Variants in STK35 observed in about 807,000 individuals in gnomAD.
STK35 encodes the protein serine/threonine-protein kinase 35.
Under a neutral mutation model 37.3 loss-of-function variants are expected in STK35, and 17 were observed. The observed-to-expected ratio is 0.46, with a 90% CI of 0.31 to 0.68. The LOEUF (loss-of-function observed/expected upper bound fraction) is 0.68, where lower values mean the gene tolerates loss of function less well. Among genes scored for constraint, STK35 ranks in the 30% least tolerant of loss-of-function variants. The pLI is 0.05. For synonymous variants in STK35, 385 were observed against 319.1 expected, an observed-to-expected ratio of 1.21 and a Z score of -2.20; for missense variants, 595 against 746.7, an observed-to-expected ratio of 0.80 and a Z score of 2.37.
intron 3 of STK35, among the ~76,000 whole-genome samples, chr20:2,127,982 T>C (rs1985935145): frequency 1.3e-5 from 2 of 152,180 alleles, no homozygotes; most frequent in Admixed American, 6.5e-5. Flanking sequence ...CCTTGTGTCC[T>C]CTCTGCTCCT....
At chr20:2,143,751 A>G (rs749665395) in intron 3 of STK35, 33 bp from the exon 4 acceptor site, 5 of 358,692 alleles carry the variant, frequency 1.4e-5, no homozygotes, top group Admixed American at 4.2e-5. Context: ...CTGCTGACCA[A>G]TGTCCCCTCC....
chr20:2,121,961 G>A (rs111314553), intron 3 of STK35, among the ~76,000 whole-genome samples: 293 of 152,312 alleles, frequency 1.9e-3, no homozygotes, highest in African/African-American at 6.9e-3. Context: ...TTGTCTGAAA[G>A]CCTCTTTACA....
chr20:2,134,230 A>C (rs1385889824), intron 3 of STK35, among the ~76,000 whole-genome samples: 3 of 148,466 alleles, frequency 2.0e-5, no homozygotes, highest in Non-Finnish European at 1.5e-5. Flanking sequence ...ACTGCACTCC[A>C]GCCTGGGCAA....
intron 2 of STK35, among the ~76,000 whole-genome samples, chr20:2,108,158 C>T (rs1324069113): frequency 6.6e-6 from 1 of 152,164 alleles, no homozygotes; most frequent in Non-Finnish European, 1.5e-5. Flanking sequence ...AGCTTAAGTT[C>T]TAGGTTCTTC....
chr20:2,134,481 A>T (rs1474839716), intron 3 of STK35, among the ~76,000 whole-genome samples: 1 of 152,168 alleles, frequency 6.6e-6, no homozygotes, highest in African/African-American at 2.4e-5. Context: ...CTCATGTGCC[A>T]CTGTCCAGTT....
chr20:2,107,479 A>G (rs1434037576), intron 2 of STK35, among the ~76,000 whole-genome samples: 2 of 152,232 alleles, frequency 1.3e-5, no homozygotes, highest in African/African-American at 4.8e-5. Flanking sequence ...CCAGGCTACT[A>G]TAAGAGGCCA....
intron 3 of STK35, among the ~76,000 whole-genome samples, chr20:2,132,796 A>C (rs1001537344): frequency 1.3e-5 from 2 of 152,190 alleles, no homozygotes; most frequent in African/African-American, 4.8e-5. Flanking sequence ...TCTAGGTTTA[A>C]ACGGCAGCTC....
In STK35 at chr20:2,129,535, C is replaced by T. The variant is rs142023218; in HGVS notation, c.*37+12120C>T. On this transcript the variant is annotated intron_variant, in intron 3 of 3. Coordinates refer to ENST00000381482, the MANE Select transcript of STK35 (RefSeq NM_080836.4). ...CCAATAAAAAGGAAAACATGCATGC[C>T]CAAGGGGACCCGTTAATTTTTTGAT... Among the ~76,000 whole-genome samples, 115 of 152,130 alleles carry T rather than the reference C, an allele frequency of 7.6e-4. No homozygotes were observed. In the Middle Eastern group the frequency reaches 0.01, roughly 13 times the overall value.
intron 3 of STK35, among the ~76,000 whole-genome samples, chr20:2,126,588 G>A (rs1985910610): frequency 6.6e-6 from 1 of 152,246 alleles, no homozygotes; most frequent in South Asian, 2.1e-4. Context: ...AGTGCCCAAG[G>A]CTCTGTCTTG....
intron 3 of STK35, 40 bp from the exon 4 acceptor site, chr20:2,143,744 C>G (rs1206411611): frequency 5.7e-6 from 2 of 351,390 alleles, no homozygotes; most frequent in East Asian, 1.9e-4. Flanking sequence ...CCCAGGCCTG[C>G]TGACCAATGT....
At chr20:2,134,119 G>A (rs1406053025) in intron 3 of STK35, among the ~76,000 whole-genome samples, 2 of 152,100 alleles carry the variant, frequency 1.3e-5, no homozygotes, top group Non-Finnish European at 2.9e-5. Flanking sequence ...CTCAGGCTGG[G>A]CGTGGTGGTG....
chr20:2,102,985 G>C lies in STK35; in HGVS notation c.512G>C (p.Arg171Pro). Residue 171 changes from arginine (R) to proline (P), a missense_variant, in exon 2 of 4, where the codon CGG becomes CCG. Coordinates refer to ENST00000381482, the MANE Select transcript of STK35 (RefSeq NM_080836.4). The stretch of plus-strand genomic sequence containing the variant: ...AAGCTGAGGCCGGCGGCGGCGGCCC[G>C]GGCCATGGATCCGGTGGCGGCCGAG... The part of the protein sequence containing the change: ...STKLRPAAAA[R>P]AMDPVAAEAP... The C allele has an allele frequency of 7.1e-7, 1 of 1,415,824 alleles. No homozygotes were observed. Among genetic ancestry groups the C allele is most frequent in the Non-Finnish European group, 9.2e-7 (1 of 1,092,152 alleles). The allele number at this position is 1,415,824 out of a possible 1,614,324, so 87.7% of individuals were successfully genotyped here. A position where few individuals can be genotyped will look rare whatever the true frequency, so the allele number is the denominator to read the frequency against.
At chr20:2,141,505 G>GA (rs1986171452) in intron 3 of STK35, among the ~76,000 whole-genome samples, 2 of 152,206 alleles carry the variant, frequency 1.3e-5, no homozygotes, top group Admixed American at 1.3e-4. Context: ...GAAGAGTCCA[G>GA]ACAAGACCCC....
At chr20:2,136,614 A>G (rs1986090926) in intron 3 of STK35, among the ~76,000 whole-genome samples, 1 of 152,232 alleles carries the variant, frequency 6.6e-6, no homozygotes, top group Admixed American at 6.5e-5. Context: ...TGTTTATGTT[A>G]AAACCCTATC....
rs148480663 is a variant in STK35 at position 2,117,090 on chromosome 20, C to T, written c.1317C>T (p.Ala439=). 4 of 1,613,828 alleles carry T rather than the reference C, an allele frequency of 2.5e-6. No homozygotes were observed. Among genetic ancestry groups the T allele is most frequent in the Admixed American group, 1.7e-5 (1 of 59,988 alleles). The change falls in exon 3 of 4, where the codon GCC becomes GCT. Residue 439 remains alanine, a synonymous_variant. Coordinates refer to ENST00000381482, the MANE Select transcript of STK35 (RefSeq NM_080836.4). The surrounding 1 kb of genome is among the most constrained non-coding windows in gnomAD (Gnocchi z 4.4). ...GHYTAKADIF[A]LGIIIWAMIE... ...ACACAGCCAAGGCGGACATCTTTGC[C>T]CTGGGCATTATCATCTGGGCAATGA...
chr20:2,121,231 G>A (rs1381254836), intron 3 of STK35, among the ~76,000 whole-genome samples: 1 of 152,198 alleles, frequency 6.6e-6, no homozygotes, highest in African/African-American at 2.4e-5. Context: ...GGATCACTTT[G>A]CATCTTGAAA....
chr20:2,128,851 GT>G (rs199807823), intron 3 of STK35, among the ~76,000 whole-genome samples: 2 of 151,902 alleles, frequency 1.3e-5, no homozygotes, highest in Non-Finnish European at 2.9e-5. Context: ...TCTGTGGGGG[GT>G]TTTTTTTGAG....
intron 3 of STK35, among the ~76,000 whole-genome samples, chr20:2,131,848 C>T (rs528488213): frequency 5.6e-4 from 86 of 152,214 alleles, no homozygotes; most frequent in African/African-American, 1.7e-3. Context: ...CCTCCCAAAG[C>T]GCTGGGCTTA....
intron 2 of STK35, among the ~76,000 whole-genome samples, chr20:2,106,111 T>G (rs1985510700): frequency 1.3e-5 from 2 of 152,236 alleles, no homozygotes; most frequent in Non-Finnish European, 2.9e-5. Flanking sequence ...TCATTTTTGC[T>G]TCTTAAAATA....
Sources: allele counts gnomAD v4.1 joint callset (sites outside exome capture counted in the v4.1 genomes callset), GRCh38; gene constraint gnomAD v4.1.1; non-coding constraint Gnocchi (gnomAD v3.1); transcripts MANE v1.5; gene names NCBI Gene and HGNC (gene_info 2026-07-23, HGNC 2026-07-21).